CCSER1: variants seen among roughly 807,000 people sequenced by gnomAD.
CCSER1 encodes coiled-coil serine rich protein 1.
CCSER1 carries 41 observed loss-of-function variants against 82.0 expected under a neutral mutation model. The observed-to-expected ratio is 0.50, with a 90% CI of 0.39 to 0.65. CCSER1 has a LOEUF of 0.65. Ranked by LOEUF, CCSER1 falls within the 30% of genes least tolerant of loss-of-function variation. CCSER1 has a pLI of 0.00. For synonymous variants in CCSER1, 414 were observed against 383.9 expected, an observed-to-expected ratio of 1.08 and a Z score of -0.92; for missense variants, 1,119 against 1,064.2, an observed-to-expected ratio of 1.05 and a Z score of -0.72.
chr4:90,244,195 A>G (rs17016697), intron 1 of CCSER1, among the ~76,000 whole-genome samples: 6,866 of 152,278 alleles, frequency 0.045, 366 homozygotes, highest in East Asian at 0.23. Context: ...ACATCTGACT[A>G]TTGTGAGTGG....
At chr4:90,877,079 T>C (rs1405409171) in intron 8 of CCSER1, among the ~76,000 whole-genome samples, 2 of 152,116 alleles carry the variant, frequency 1.3e-5, no homozygotes, top group African/African-American at 4.8e-5. Context: ...AGTTTAAGTA[T>C]GTTTTCTGAA....
chr4:90,715,872 T>A (rs1251315230), intron 6 of CCSER1, among the ~76,000 whole-genome samples: 1 of 151,938 alleles, frequency 6.6e-6, no homozygotes, highest in African/African-American at 2.4e-5. Context: ...ATAGGTAAAT[T>A]TGCAGAAAAT....
intron 6 of CCSER1, among the ~76,000 whole-genome samples, chr4:90,701,198 A>G (rs1041959924): frequency 1.3e-5 from 2 of 152,244 alleles, no homozygotes; most frequent in African/African-American, 2.4e-5. Flanking sequence ...AGGTTTCTAC[A>G]TATGGCTAGC....
rs544085892 is a variant in CCSER1 at position 90,251,425 on chromosome 4, T to TA, written c.-41-56818dup. On this transcript the variant is annotated intron_variant, in intron 1 of 10. Transcript: ENST00000509176. The stretch of plus-strand genomic sequence containing the variant: ...TTCTTACTAGTTTGCTGAGAGTTTT[T>TA]ATCATGAAAGTTGTGTTGGAATTTG... Among the ~76,000 whole-genome samples, 25 of 152,032 alleles carry TA rather than the reference T, an allele frequency of 1.6e-4. No homozygotes were observed. In the East Asian group the frequency reaches 4.4e-3, roughly 27 times the overall value.
chr4:91,539,735 TC>T (rs969176856), intron 10 of CCSER1, among the ~76,000 whole-genome samples: 38 of 152,100 alleles, frequency 2.5e-4, no homozygotes, highest in African/African-American at 8.7e-4. Flanking sequence ...CTTTATTCTT[TC>T]TGTAATCAGT....
intron 1 of CCSER1, among the ~76,000 whole-genome samples, chr4:90,183,985 GT>G (rs1734165000): frequency 6.6e-6 from 1 of 152,068 alleles, no homozygotes; most frequent in Non-Finnish European, 1.5e-5. Flanking sequence ...AGAGAAAACA[GT>G]ATTATGAGAA....
At chr4:91,092,622 C>A (rs1724079752) in intron 10 of CCSER1, among the ~76,000 whole-genome samples, 1 of 152,164 alleles carries the variant, frequency 6.6e-6, no homozygotes, top group African/African-American at 2.4e-5. Context: ...TGACTCCTGG[C>A]CTAAATGGGT....
intron 10 of CCSER1, among the ~76,000 whole-genome samples, chr4:91,118,175 T>A (rs1267998660): frequency 2.6e-5 from 4 of 152,060 alleles, no homozygotes; most frequent in African/African-American, 9.7e-5. Flanking sequence ...ATGAGTGCTC[T>A]AAAAACAGAA....
chr4:90,283,812 T>C (rs1273222768), intron 1 of CCSER1, among the ~76,000 whole-genome samples: 2 of 152,076 alleles, frequency 1.3e-5, no homozygotes, highest in Non-Finnish European at 2.9e-5. Flanking sequence ...CTCTTTTCGT[T>C]GTATTGATTT....
chr4:90,280,802 A>G (rs1435088157), intron 1 of CCSER1, among the ~76,000 whole-genome samples: 1 of 152,016 alleles, frequency 6.6e-6, no homozygotes, highest in African/African-American at 2.4e-5. Context: ...TAATCTAAAT[A>G]TTTTATCACA....
At chr4:90,367,041 C>A (rs558904109) in intron 3 of CCSER1, among the ~76,000 whole-genome samples, 1 of 151,690 alleles carries the variant, frequency 6.6e-6, no homozygotes, top group Non-Finnish European at 1.5e-5. Flanking sequence ...AATTTACATG[C>A]GCTCATTGGA....
chr4:90,279,681 T>C (rs907797688), intron 1 of CCSER1, among the ~76,000 whole-genome samples: 1 of 152,002 alleles, frequency 6.6e-6, no homozygotes, highest in African/African-American at 2.4e-5. Context: ...AGAAATGGTC[T>C]AGTATCCAGA....
chr4:91,380,014 C>T (rs1750751337), intron 10 of CCSER1, among the ~76,000 whole-genome samples: 1 of 152,146 alleles, frequency 6.6e-6, no homozygotes. Context: ...ACCCAGTAGT[C>T]ATTTAGGAGC....
chr4:91,414,431 C>A (rs1753235107), intron 10 of CCSER1, among the ~76,000 whole-genome samples: 1 of 151,756 alleles, frequency 6.6e-6, no homozygotes, highest in South Asian at 2.1e-4. Context: ...GTAGTAGATA[C>A]ATAAAAGAGA....
intron 10 of CCSER1, among the ~76,000 whole-genome samples, chr4:91,481,840 C>T (rs1304960588): frequency 6.6e-6 from 1 of 152,016 alleles, no homozygotes; most frequent in East Asian, 1.9e-4. Context: ...AACAGGCAAC[C>T]TACAGAATGG....
At position 90,595,492 on chromosome 4, in the gene CCSER1, G is replaced by A. The variant is rs563585421; in HGVS notation, c.1725-32533G>A. On this transcript the variant is annotated intron_variant, in intron 5 of 10. Coordinates refer to ENST00000509176, the MANE Select transcript of CCSER1 (RefSeq NM_001145065.2). Reference sequence around the variant, plus strand: ...AATATATTTGAAATACGATATGTTGGAAATTAACTGGGCTTAGCTTGTATT... The same window carrying A: ...AATATATTTGAAATACGATATGTTGAAAATTAACTGGGCTTAGCTTGTATT... Among the ~76,000 whole-genome samples, 32 of 122,132 alleles carry A rather than the reference G, an allele frequency of 2.6e-4. No individual in the cohort carries two copies. In the South Asian group the frequency reaches 6.4e-3, roughly 25 times the overall value. The allele number at this position is 122,132 out of a possible 152,430, so 80.1% of individuals were successfully genotyped here.
intron 10 of CCSER1, among the ~76,000 whole-genome samples, chr4:91,196,690 A>G (rs2149059182): frequency 6.6e-6 from 1 of 152,298 alleles, no homozygotes; most frequent in South Asian, 2.1e-4. Flanking sequence ...TGAATTGCTC[A>G]TTTTGTGAGG....
intron 5 of CCSER1, among the ~76,000 whole-genome samples, chr4:90,494,200 C>T (rs1012194054): frequency 4.6e-5 from 7 of 152,048 alleles, no homozygotes; most frequent in Admixed American, 6.6e-5. Context: ...GGATCAATTC[C>T]ACAAGAAGAG....
intron 9 of CCSER1, among the ~76,000 whole-genome samples, chr4:90,960,363 C>T (rs1261686232): frequency 6.6e-6 from 1 of 152,150 alleles, no homozygotes; most frequent in African/African-American, 2.4e-5. Flanking sequence ...TGCACCACTC[C>T]TTTCCCCACA....
Sources: allele counts gnomAD v4.1 joint callset (sites outside exome capture counted in the v4.1 genomes callset), GRCh38; gene constraint gnomAD v4.1.1; transcripts MANE v1.5; gene names NCBI Gene and HGNC (gene_info 2026-07-23, HGNC 2026-07-21).